Variants in GPR19 observed in about 807,000 individuals in gnomAD.
GPR19 encodes probable G protein-coupled receptor 19.
GPR19 carries 14 observed loss-of-function variants against 28.5 expected under a neutral mutation model. That is an observed-to-expected ratio of 0.49 (90% CI 0.32 to 0.77). The LOEUF (loss-of-function observed/expected upper bound fraction) is 0.77, where lower values mean the gene tolerates loss of function less well. Ranked by LOEUF, GPR19 falls within the 30% of genes least tolerant of loss-of-function variation. The pLI is 0.03. For missense variants in GPR19, 409 were observed against 504.1 expected (o/e 0.81, Z 1.81); for synonymous variants, 173 against 184.1 (o/e 0.94, Z 0.49).
chr12:12,681,029 C>T (rs568617237), intron 3 of GPR19, among the ~76,000 whole-genome samples: 4 of 152,096 alleles, frequency 2.6e-5, no homozygotes, highest in Non-Finnish European at 5.9e-5. Flanking sequence ...AATTCCTGGG[C>T]TCAAGCAATC....
chr12:12,708,086 A>G, the GPR19 span, among the ~76,000 whole-genome samples: 4 of 140,212 alleles, frequency 2.9e-5, no homozygotes, highest in Admixed American at 8.2e-5. Flanking sequence ...TACAGCCTCA[A>G]CCTCCCTGGC....
the GPR19 span, among the ~76,000 whole-genome samples, chr12:12,707,176 T>C: frequency 6.6e-6 from 1 of 152,246 alleles, no homozygotes; most frequent in South Asian, 2.1e-4. Context: ...CTATTTCCTG[T>C]GCCTGCAACA....
intron 2 of GPR19, among the ~76,000 whole-genome samples, chr12:12,687,194 C>T (rs1338767714): frequency 1.3e-5 from 2 of 151,996 alleles, no homozygotes; most frequent in Admixed American, 6.6e-5. Context: ...TTAGATGTTA[C>T]AAAAGGAATG....
At chr12:12,697,153 T>TAAAAAA (rs386375639), upstream of GPR19, among the ~76,000 whole-genome samples, 80 of 48,814 alleles carry the variant, frequency 1.6e-3, 11 homozygotes, top group African/African-American at 3.1e-3. Context: ...TGAAGCGAAG[T>TAAAAAA]AAAAAAAAAA....
At chr12:12,674,770 A>G (rs1481504013) in intron 3 of GPR19, among the ~76,000 whole-genome samples, 1 of 152,224 alleles carries the variant, frequency 6.6e-6, no homozygotes, top group Non-Finnish European at 1.5e-5. Context: ...TCCAGAATGT[A>G]CTATGTTAAT....
At chr12:12,713,951 T>C in the GPR19 span, among the ~76,000 whole-genome samples, 301 of 152,314 alleles carry the variant, frequency 2.0e-3, 5 homozygotes, top group East Asian at 0.014. Context: ...CCTCCTTACA[T>C]AGTATGTACT....
At chr12:12,678,689 C>G (rs1312398841) in intron 3 of GPR19, among the ~76,000 whole-genome samples, 1 of 152,194 alleles carries the variant, frequency 6.6e-6, no homozygotes, top group Non-Finnish European at 1.5e-5. Context: ...AACAAAATAA[C>G]TTTATGTACA....
At chr12:12,668,679 G>GC (rs1555176771) in intron 3 of GPR19, among the ~76,000 whole-genome samples, 1 of 147,096 alleles carries the variant, frequency 6.8e-6, no homozygotes, top group African/African-American at 2.5e-5. Context: ...TGATTTGGTT[G>GC]AAAAAAAAAA....
chr12:12,667,696 G>GA (rs3080708), intron 3 of GPR19, among the ~76,000 whole-genome samples: 407 of 121,990 alleles, frequency 3.3e-3, no homozygotes, highest in African/African-American at 6.9e-3. Flanking sequence ...ATCTCAATTA[G>GA]AAAAAAAAAA....
the GPR19 span, among the ~76,000 whole-genome samples, chr12:12,704,126 G>C: frequency 6.6e-6 from 1 of 152,324 alleles, no homozygotes; most frequent in East Asian, 1.9e-4. Context: ...TGTGACTATA[G>C]AGAAGTCACC....
At chr12:12,709,005 G>A in the GPR19 span, among the ~76,000 whole-genome samples, 4 of 150,770 alleles carry the variant, frequency 2.7e-5, no homozygotes. Context: ...CCAAGATCAC[G>A]CCACTGCACT....
At chr12:12,694,548 C>A (rs1328679164) in intron 2 of GPR19, among the ~76,000 whole-genome samples, 1 of 152,064 alleles carries the variant, frequency 6.6e-6, no homozygotes, top group African/African-American at 2.4e-5. Flanking sequence ...ACAGACGGAC[C>A]TACGATGCAC....
At chr12:12,707,223 A>G in the GPR19 span, among the ~76,000 whole-genome samples, 99,334 of 152,144 alleles carry the variant, frequency 0.65, 34,935 homozygotes, top group East Asian at 0.82. Context: ...TCCATTCAGG[A>G]TTCTACTCAA....
chr12:12,709,346 G>C, the GPR19 span, among the ~76,000 whole-genome samples: 2 of 152,222 alleles, frequency 1.3e-5, no homozygotes, highest in Admixed American at 1.3e-4. Context: ...AAACTATGTG[G>C]TCTCTCTTCT....
At chr12:12,674,209 CAAAAAA>C (rs35775784) in intron 3 of GPR19, among the ~76,000 whole-genome samples, 5 of 53,994 alleles carry the variant, frequency 9.3e-5, no homozygotes, top group African/African-American at 1.5e-4. Context: ...GACTTTGTCT[CAAAAAA>C]AAAAAAAAAA....
Position 12,661,353 on chromosome 12 carries a change from T to C in GPR19, c.1096A>G (p.Met366Val). 6.2e-7 allele frequency: 1 copy of C among 1,614,126 alleles called. No homozygotes were observed. Among genetic ancestry groups the C allele is most frequent in the Non-Finnish European group, 8.5e-7 (1 of 1,179,966 alleles). ...ATGCCAACGTAGTTTTTTTTGGCCA[T>C]CCTTGAACTTGTTGTGATAGTATAG... ...NAYTITTSSRMAKKNYVGISE... is the reference protein window; with the variant it reads ...NAYTITTSSRVAKKNYVGISE... Residue 366 changes from methionine to valine, a missense_variant, in exon 4 of 4, where the codon ATG becomes GTG. Physicochemically the swap from Met to Val is conservative, Grantham distance 21 (BLOSUM62 1). Coordinates refer to ENST00000651487, the MANE Select transcript of GPR19 (RefSeq NM_006143.3). This position sits in a 1 kb window ranked among gnomAD's most constrained non-coding sequence, Gnocchi z 4.2.
At chr12:12,703,902 G>A in the GPR19 span, among the ~76,000 whole-genome samples, 5 of 152,070 alleles carry the variant, frequency 3.3e-5, no homozygotes, top group African/African-American at 7.2e-5. Flanking sequence ...CCTACTTTGC[G>A]GTTATTTTGT....
chr12:12,709,892 C>T, the GPR19 span, among the ~76,000 whole-genome samples: 9 of 152,264 alleles, frequency 5.9e-5, no homozygotes, highest in African/African-American at 2.2e-4. Context: ...AAACAACCAC[C>T]TCCTCTCCCC....
the GPR19 span, among the ~76,000 whole-genome samples, chr12:12,703,193 GTA>G: frequency 8.5e-5 from 13 of 152,266 alleles, no homozygotes; most frequent in South Asian, 2.5e-3. Flanking sequence ...CTGGGGTCAA[GTA>G]TCACATGTTC....
Sources: gnomAD v4.1 joint callset for allele counts (sites outside exome capture counted in the v4.1 genomes callset) on GRCh38, gnomAD v4.1.1 for gene constraint, Gnocchi (gnomAD v3.1) non-coding constraint, MANE v1.5 for transcripts, NCBI Gene and HGNC (gene_info 2026-07-23, HGNC 2026-07-21) for gene names.